Variants in RGS6 observed in about 807,000 individuals in gnomAD.
RGS6 encodes the protein regulator of G protein signaling 6, also known as regulator of G-protein signaling 6.
RGS6 carries 30 observed loss-of-function variants against 78.5 expected under a neutral mutation model. That is an observed-to-expected ratio of 0.38 (90% CI 0.29 to 0.52). The LOEUF (loss-of-function observed/expected upper bound fraction) is 0.52, where lower values mean the gene tolerates loss of function less well. Among genes scored for constraint, RGS6 ranks in the 20% least tolerant of loss-of-function variants. The pLI, the probability that RGS6 is intolerant of heterozygous loss-of-function variation, is 0.85. For missense variants in RGS6, 495 were observed against 609.7 expected (o/e 0.81, Z 1.98); for synonymous variants, 206 against 206.0 (o/e 1.00, Z 0.00).
intron 2 of RGS6, among the ~76,000 whole-genome samples, chr14:72,015,620 GA>G (rs1382640863): frequency 6.6e-6 from 1 of 152,122 alleles, no homozygotes; most frequent in African/African-American, 2.4e-5. Flanking sequence ...GTACTCAGAG[GA>G]AAAATGGCTA....
At chr14:72,546,651 G>A (rs1254489689) in intron 17 of RGS6, among the ~76,000 whole-genome samples, 1 of 152,178 alleles carries the variant, frequency 6.6e-6, no homozygotes, top group East Asian at 1.9e-4. Context: ...GCTGCTCCTG[G>A]CTTTCCCTGG....
chr14:72,032,686 A>G (rs200567668), intron 2 of RGS6, among the ~76,000 whole-genome samples: 11 of 132,948 alleles, frequency 8.3e-5, no homozygotes. Flanking sequence ...TATACCTCAT[A>G]TAACTAGACT....
chr14:72,131,908 G>A lies in RGS6; in HGVS notation c.84+167033G>A, dbSNP rs2096327050. Among the ~76,000 whole-genome samples, 2 of 152,164 alleles carry A rather than the reference G, an allele frequency of 1.3e-5. 1 individual carries two copies. The highest frequency in any genetic ancestry group is 6.3e-3 in the Middle Eastern group (2 of 316). ...CTAGGCTCCACAAAGTTTGAATTGTGGTTATACTGTCGGTTGTTTTTTAAA... is the reference window on the plus strand; with the variant it reads ...CTAGGCTCCACAAAGTTTGAATTGTAGTTATACTGTCGGTTGTTTTTTAAA... On this transcript the variant is annotated intron_variant, in intron 2 of 17. Coordinates refer to ENST00000553525, the MANE Select transcript of RGS6 (RefSeq NM_001204424.2).
chr14:71,956,105 G>A (rs1025231912), intron 1 of RGS6, among the ~76,000 whole-genome samples: 6 of 152,104 alleles, frequency 3.9e-5, no homozygotes, highest in African/African-American at 1.4e-4. Context: ...AAACATTTTG[G>A]GTTTGGCAGG....
chr14:72,454,633 A>G (rs2095582776), intron 4 of RGS6, 55 bp downstream of exon 4: 1 of 1,488,556 alleles, frequency 6.7e-7, no homozygotes, highest in South Asian at 1.2e-5. Flanking sequence ...AACATCCCAT[A>G]ACCAAGTTCC....
chr14:71,885,394 C>G, the RGS6 span, among the ~76,000 whole-genome samples: 1 of 152,212 alleles, frequency 6.6e-6, no homozygotes, highest in Non-Finnish European at 1.5e-5. Context: ...TAATTTCTAG[C>G]ATTCCTGAGC....
chr14:72,525,665 A>G (rs1265948399), intron 15 of RGS6, among the ~76,000 whole-genome samples: 2 of 152,378 alleles, frequency 1.3e-5, no homozygotes, highest in African/African-American at 2.4e-5. Context: ...CAGATTATTC[A>G]GAAGTAGAAG....
chr14:72,472,364 TG>T (rs2096106501), intron 8 of RGS6, among the ~76,000 whole-genome samples: 1 of 152,156 alleles, frequency 6.6e-6, no homozygotes, highest in South Asian at 2.1e-4. Flanking sequence ...AGCCAGATGG[TG>T]TAAGTGACTT....
chr14:72,468,328 A>G (rs2095978516), intron 7 of RGS6, among the ~76,000 whole-genome samples: 1 of 151,412 alleles, frequency 6.6e-6, no homozygotes. Context: ...GTGAGCCAAG[A>G]TCGTGCCACT....
the RGS6 span, among the ~76,000 whole-genome samples, chr14:71,873,469 G>A: frequency 8.6e-5 from 13 of 151,994 alleles, no homozygotes; most frequent in Non-Finnish European, 1.8e-4. Context: ...CATATCCTTC[G>A]TCCACTTTTT....
intron 2 of RGS6, among the ~76,000 whole-genome samples, chr14:72,129,262 G>A (rs1465863013): frequency 6.6e-6 from 1 of 152,224 alleles, no homozygotes; most frequent in East Asian, 1.9e-4. Flanking sequence ...ACAAGTGAAT[G>A]AGATAATTCG....
At chr14:72,318,467 G>T (rs1190939558) in intron 2 of RGS6, among the ~76,000 whole-genome samples, 2 of 152,052 alleles carry the variant, frequency 1.3e-5, no homozygotes, top group Non-Finnish European at 2.9e-5. Context: ...CAATCAAGTT[G>T]ACACTCAGTA....
At chr14:71,948,213 C>T (rs929144985) in intron 1 of RGS6, among the ~76,000 whole-genome samples, 12 of 152,178 alleles carry the variant, frequency 7.9e-5, no homozygotes, top group African/African-American at 2.9e-4. Flanking sequence ...ACAGTCACCT[C>T]ACAGGGGAGG....
chr14:72,368,799 T>G (rs1001683198), intron 3 of RGS6, among the ~76,000 whole-genome samples: 1 of 152,198 alleles, frequency 6.6e-6, no homozygotes. Flanking sequence ...AGATAATTTG[T>G]TGGATGCATG....
chr14:72,177,371 A>C (rs1199119866), intron 2 of RGS6, among the ~76,000 whole-genome samples: 1 of 152,148 alleles, frequency 6.6e-6, no homozygotes, highest in Non-Finnish European at 1.5e-5. Context: ...GGAGGCTGAA[A>C]ATGCTCTCTT....
intron 3 of RGS6, among the ~76,000 whole-genome samples, chr14:72,355,978 A>G (rs1596199108): frequency 6.6e-6 from 1 of 152,206 alleles, no homozygotes; most frequent in South Asian, 2.1e-4. Flanking sequence ...GAGCTTGATC[A>G]CTTAGCCTCT....
chr14:71,894,542 T>C, the RGS6 span, among the ~76,000 whole-genome samples: 1 of 152,172 alleles, frequency 6.6e-6, no homozygotes, highest in Non-Finnish European at 1.5e-5. Flanking sequence ...TTTACTTTCT[T>C]AATAAACTTG....
intron 16 of RGS6, among the ~76,000 whole-genome samples, chr14:72,538,669 T>C (rs894430161): frequency 6.6e-6 from 1 of 152,204 alleles, no homozygotes; most frequent in African/African-American, 2.4e-5. Flanking sequence ...TCAAGCTGAG[T>C]CCTGCCATCC....
At chr14:72,046,204 G>GTTTTTTTTTTTT (rs200140046) in intron 2 of RGS6, among the ~76,000 whole-genome samples, 1 of 122,186 alleles carries the variant, frequency 8.2e-6, no homozygotes, top group Non-Finnish European at 1.7e-5. Context: ...TCATTGTTGG[G>GTTTTTTTTTTTT]TTTTTTTTTT....
Sources: gnomAD v4.1 joint callset for allele counts (sites outside exome capture counted in the v4.1 genomes callset) on GRCh38, gnomAD v4.1.1 for gene constraint, MANE v1.5 for transcripts, NCBI Gene and HGNC (gene_info 2026-07-23, HGNC 2026-07-21) for gene names.